The following AKAP7 variants were observed in gnomAD, a reference collection of about 807,000 sequenced individuals.
AKAP7 encodes A-kinase anchoring protein 7.
A neutral mutation model predicts 39.5 loss-of-function variants in AKAP7; 39 were observed. The observed-to-expected ratio is 0.99, with a 90% CI of 0.76 to 1.29. AKAP7 has a LOEUF of 1.29. AKAP7 is among the 50% of genes most tolerant of loss of function. AKAP7 has a pLI of 0.00. For synonymous variants in AKAP7, 140 were observed against 139.1 expected, an observed-to-expected ratio of 1.01 and a Z score of -0.05; for missense variants, 414 against 407.7, an observed-to-expected ratio of 1.02 and a Z score of -0.13.
intron 7 of AKAP7, among the ~76,000 whole-genome samples, chr6:131,269,932 A>G (rs1443447027): frequency 6.6e-6 from 1 of 152,152 alleles, no homozygotes; most frequent in Non-Finnish European, 1.5e-5. Flanking sequence ...TGTGTCTAAA[A>G]CAGAGGGGCT....
intron 7 of AKAP7, among the ~76,000 whole-genome samples, chr6:131,271,483 A>G (rs945998163): frequency 1.3e-5 from 2 of 152,094 alleles, no homozygotes; most frequent in African/African-American, 4.8e-5. Flanking sequence ...ATCAGGAAGT[A>G]TAAGTCTTCT....
intron 7 of AKAP7, among the ~76,000 whole-genome samples, chr6:131,246,721 A>G (rs952821682): frequency 1.2e-4 from 18 of 152,240 alleles, no homozygotes; most frequent in Admixed American, 1.1e-3. Flanking sequence ...AAATAGGATT[A>G]TATTACTCTA....
At chr6:131,206,361 A>G (rs1189129574) in intron 6 of AKAP7, among the ~76,000 whole-genome samples, 1 of 152,172 alleles carries the variant, frequency 6.6e-6, no homozygotes, top group East Asian at 1.9e-4. Context: ...AAAAAAATGA[A>G]CTTTGAAAAT....
At chr6:131,150,568 A>G (rs1448115290) in intron 2 of AKAP7, among the ~76,000 whole-genome samples, 1 of 152,208 alleles carries the variant, frequency 6.6e-6, no homozygotes, top group Non-Finnish European at 1.5e-5. Context: ...TAAGGCAAAT[A>G]TCTGCCCCAA....
intron 7 of AKAP7, among the ~76,000 whole-genome samples, chr6:131,249,920 T>C (rs1369400025): frequency 2.0e-5 from 3 of 151,974 alleles, no homozygotes; most frequent in Non-Finnish European, 4.4e-5. Flanking sequence ...TTAAAAGATA[T>C]GCCGTACCGT....
intron 7 of AKAP7, among the ~76,000 whole-genome samples, chr6:131,257,389 A>AT (rs1812952335): frequency 6.8e-6 from 1 of 147,008 alleles, no homozygotes; most frequent in Non-Finnish European, 1.5e-5. Flanking sequence ...AAAAAAAAAA[A>AT]GTCAGCTTGG....
intron 3 of AKAP7, 89 bp downstream of exon 3, chr6:131,160,287 C>A (rs2128237923): frequency 7.5e-7 from 1 of 1,336,810 alleles, no homozygotes; most frequent in Non-Finnish European, 1.0e-6. Context: ...TTGCTCTTAG[C>A]TTTTAAGAGT....
In AKAP7 at chr6:131,160,095, A is replaced by C. The variant is rs545191855; in HGVS notation, c.188A>C (p.Gln63Pro). 6.3e-7 allele frequency: 1 copy of C among 1,597,102 alleles called. No individual in the cohort carries two copies. The highest frequency in any genetic ancestry group is 1.8e-5 in the Admixed American group (1 of 54,214). Residue 63 changes from glutamine (Q) to proline (P), a missense_variant, in exon 3 of 8, where the codon CAA becomes CCA. By Grantham distance (76) the Gln-to-Pro change is moderately conservative. Transcript: ENST00000431975. ...DEPQINLKRS[Q>P]ENEWVKSDQV... ...CCTCAAATAAATTTGAAGAGAAGTCAAGAAAATGAATGGGTCAAGAGTGAT... is the reference window on the plus strand; with the variant it reads ...CCTCAAATAAATTTGAAGAGAAGTCCAGAAAATGAATGGGTCAAGAGTGAT...
chr6:131,215,757 A>G (rs771422122), intron 6 of AKAP7, among the ~76,000 whole-genome samples: 2 of 152,244 alleles, frequency 1.3e-5, no homozygotes, highest in African/African-American at 2.4e-5. Context: ...CTTAACCAAT[A>G]TAACATTAAA....
chr6:131,130,959 A>G (rs773541817), upstream of AKAP7, among the ~76,000 whole-genome samples: 1 of 152,224 alleles, frequency 6.6e-6, no homozygotes, highest in Admixed American at 6.5e-5. Flanking sequence ...AAAAATTTTT[A>G]AAAAAGAAAA....
intron 6 of AKAP7, among the ~76,000 whole-genome samples, chr6:131,219,041 G>GGTAGAA (rs1314891927): frequency 6.6e-6 from 1 of 152,012 alleles, no homozygotes; most frequent in Non-Finnish European, 1.5e-5. Flanking sequence ...GGCCGAGGCG[G>GGTAGAA]GTAGATCTTG....
intron 2 of AKAP7, among the ~76,000 whole-genome samples, chr6:131,150,278 G>A (rs1174853408): frequency 6.6e-6 from 1 of 152,016 alleles, no homozygotes; most frequent in Non-Finnish European, 1.5e-5. Context: ...TTGGAGATAT[G>A]GGAAATCGTA....
chr6:131,206,748 CCTAG>C (rs1808134663), intron 6 of AKAP7, among the ~76,000 whole-genome samples: 1 of 151,922 alleles, frequency 6.6e-6, no homozygotes, highest in South Asian at 2.1e-4. Flanking sequence ...TATCTAGCTA[CCTAG>C]CTAGCTGTCT....
intron 6 of AKAP7, among the ~76,000 whole-genome samples, chr6:131,214,941 C>A (rs1809006143): frequency 6.6e-6 from 1 of 152,092 alleles, no homozygotes; most frequent in Admixed American, 6.6e-5. Flanking sequence ...CTCTTACTAG[C>A]TGTGTCTTTT....
chr6:131,231,514 T>G (rs1295804600), intron 7 of AKAP7, among the ~76,000 whole-genome samples: 1 of 152,178 alleles, frequency 6.6e-6, no homozygotes, highest in Non-Finnish European at 1.5e-5. Flanking sequence ...ATACTTTTTT[T>G]TCCACTTGAA....
rs140783900 is a variant in AKAP7 at position 131,219,734 on chromosome 6, G to T, written c.776G>T (p.Arg259Leu). 8 of 1,596,312 alleles carry T rather than the reference G, an allele frequency of 5.0e-6. No individual in the cohort carries two copies. Among genetic ancestry groups the T allele is most frequent in the Middle Eastern group, 1.7e-4 (1 of 6,016 alleles). ...SHRFGEEILY[R>L]IDLCSMLKKK... ...AGATTTGGAGAAGAAATATTATATC[G>T]CATAGATCTTTGCTCCATGCTGAAG... is the stretch of plus-strand genomic sequence containing the variant. The change falls in exon 7 of 8, where the codon CGC becomes CTC. Residue 259 changes from arginine to leucine, a missense_variant. Physicochemically the swap from Arg to Leu is moderately radical, Grantham distance 102. Transcript: ENST00000431975.
At chr6:131,144,485 C>T (rs1406156255) in intron 1 of AKAP7, among the ~76,000 whole-genome samples, 1 of 152,196 alleles carries the variant, frequency 6.6e-6, no homozygotes, top group East Asian at 1.9e-4. Flanking sequence ...TTCCAGGATT[C>T]TGTTCAATCT....
At chr6:131,163,205 A>G (rs1451979204) in intron 3 of AKAP7, among the ~76,000 whole-genome samples, 1 of 152,242 alleles carries the variant, frequency 6.6e-6, no homozygotes, top group African/African-American at 2.4e-5. Context: ...TTGAAACCAA[A>G]TAATGTAATG....
intron 6 of AKAP7, among the ~76,000 whole-genome samples, chr6:131,210,017 T>C (rs1036016440): frequency 1.3e-5 from 2 of 152,244 alleles, no homozygotes; most frequent in African/African-American, 4.8e-5. Context: ...GCAAGAAGAT[T>C]TTCTGTCACT....
Sources: gnomAD v4.1 joint callset for allele counts (sites outside exome capture counted in the v4.1 genomes callset) on GRCh38, gnomAD v4.1.1 for gene constraint, MANE v1.5 for transcripts, NCBI Gene and HGNC (gene_info 2026-07-23, HGNC 2026-07-21) for gene names.